DMD: variants seen among roughly 807,000 people sequenced by gnomAD.
DMD encodes the protein mutant dystrophin.
A neutral mutation model predicts 330.1 loss-of-function variants in DMD; 63 were observed. The ratio of observed to expected loss-of-function variants is 0.19; its 90% CI spans 0.16 to 0.24. The LOEUF (loss-of-function observed/expected upper bound fraction) is 0.24. DMD is among the 10% of genes least tolerant of loss of function. The pLI is 1.00. For synonymous variants in DMD, 1,223 were observed against 959.8 expected (o/e 1.27, Z -5.07); for missense variants, 3,344 against 2,684.1 (o/e 1.25, Z -5.43).
chrX:33,324,134 T>A (rs781311890), intron 1 of DMD, among the ~76,000 whole-genome samples: 1 of 111,751 alleles, frequency 8.9e-6, no homozygotes, highest in South Asian at 3.7e-4. Flanking sequence ...TGGGTTGCCT[T>A]TTACCAGAAG....
intron 7 of DMD, among the ~76,000 whole-genome samples, chrX:32,797,142 G>A (rs2076240515): frequency 9.0e-6 from 1 of 110,842 alleles, no homozygotes; most frequent in Non-Finnish European, 1.9e-5. Flanking sequence ...GGGATGGGGG[G>A]ACAGGGCCTC....
intron 55 of DMD, among the ~76,000 whole-genome samples, chrX:31,595,535 T>C (rs1216905030): frequency 9.0e-6 from 1 of 111,209 alleles, no homozygotes; most frequent in African/African-American, 3.3e-5. Flanking sequence ...GTACATTCCT[T>C]CCAAAATTTC....
rs775781842 is a variant in DMD, at chrX:32,896,951, A to G, written c.94-47131T>C. ...AACAAATATTCAGGACAAAGTGTTT[A>G]TAGCCCTTTCTTTTGAGGGTTTTCA... On this transcript the variant is annotated intron_variant, in intron 2 of 78. Coordinates refer to ENST00000357033, the MANE Select transcript of DMD (RefSeq NM_004006.3). Among the ~76,000 whole-genome samples the G allele has an allele frequency of 6.2e-5, 7 of 112,526 alleles. No individual in the cohort carries two copies. In the East Asian group the frequency reaches 8.4e-4, roughly 13 times the overall value.
At chrX:31,658,381 A>G (rs1261507144) in intron 53 of DMD, among the ~76,000 whole-genome samples, 1 of 112,168 alleles carries the variant, frequency 8.9e-6, no homozygotes, top group Non-Finnish European at 1.9e-5. Flanking sequence ...AAGTATTTCA[A>G]CTTAGTAGCA....
chrX:33,010,239 CAT>C (rs1302999968), intron 2 of DMD, among the ~76,000 whole-genome samples: 26 of 102,135 alleles, frequency 2.5e-4, no homozygotes, highest in East Asian at 1.3e-3. Flanking sequence ...TATATATGTA[CAT>C]ATGTGTGTAT....
intron 7 of DMD, among the ~76,000 whole-genome samples, chrX:32,795,527 G>A (rs1358507686): frequency 8.9e-6 from 1 of 111,772 alleles, no homozygotes; most frequent in Non-Finnish European, 1.9e-5. Context: ...AGCAAACATA[G>A]GGAAAACAGA....
chrX:31,347,994 C>T (rs754933072), intron 61 of DMD, among the ~76,000 whole-genome samples: 6 of 111,587 alleles, frequency 5.4e-5, no homozygotes, highest in Non-Finnish European at 1.1e-4. Context: ...TTTTCATATA[C>T]CTGTTGGCCA....
At chrX:32,416,347 A>G (rs1019101910) in intron 29 of DMD, among the ~76,000 whole-genome samples, 2 of 112,077 alleles carry the variant, frequency 1.8e-5, no homozygotes, top group Non-Finnish European at 3.8e-5. Context: ...CACTGTTTAC[A>G]ATCATCTCGT....
intron 44 of DMD, among the ~76,000 whole-genome samples, chrX:32,114,995 T>C (rs2096604350): frequency 8.9e-6 from 1 of 112,377 alleles, no homozygotes; most frequent in Non-Finnish European, 1.9e-5. Flanking sequence ...GTTTGTCTAA[T>C]TGTATTTTCA....
intron 44 of DMD, among the ~76,000 whole-genome samples, chrX:31,977,928 C>T (rs1347615289): frequency 2.7e-5 from 3 of 110,855 alleles, no homozygotes. Context: ...ATGACATAAG[C>T]AAGTCATCTG....
intron 43 of DMD, among the ~76,000 whole-genome samples, chrX:32,231,226 G>A: frequency 8.9e-6 from 1 of 112,461 alleles, no homozygotes; most frequent in South Asian, 3.6e-4. Context: ...TTCTGCTAAA[G>A]GAAAATGAGA....
chrX:32,921,740 T>C (rs1490461151), intron 2 of DMD, among the ~76,000 whole-genome samples: 1 of 111,672 alleles, frequency 9.0e-6, no homozygotes, highest in African/African-American at 3.3e-5. Flanking sequence ...ACTAGGTAAT[T>C]GGAGCTTTAA....
intron 52 of DMD, among the ~76,000 whole-genome samples, chrX:31,685,105 T>C (rs528557132): frequency 1.3e-4 from 15 of 111,646 alleles, no homozygotes; most frequent in African/African-American, 4.5e-4. Context: ...TTGGAGGAGT[T>C]CCTACATAAA....
At chrX:32,841,315 C>A (rs748986508) in intron 4 of DMD, among the ~76,000 whole-genome samples, 2 of 111,324 alleles carry the variant, frequency 1.8e-5, no homozygotes, top group African/African-American at 3.3e-5. Context: ...ATAGATTTAA[C>A]TCAATGTTAA....
chrX:31,458,526 A>C, intron 59 of DMD, among the ~76,000 whole-genome samples: 1 of 108,785 alleles, frequency 9.2e-6, no homozygotes, highest in Middle Eastern at 4.7e-3. Context: ...AAAAAAAAAA[A>C]AAAAAAAAAT....
At chrX:32,159,724 C>T (rs1276752989) in intron 44 of DMD, among the ~76,000 whole-genome samples, 8 of 111,576 alleles carry the variant, frequency 7.2e-5, no homozygotes, top group African/African-American at 1.3e-4. Context: ...AAACATGAAC[C>T]GGAGCAAAAG....
chrX:33,321,086 G>T (rs1191574035), intron 1 of DMD, among the ~76,000 whole-genome samples: 3 of 111,139 alleles, frequency 2.7e-5, no homozygotes, highest in Non-Finnish European at 5.7e-5. Flanking sequence ...ATCCATGAGG[G>T]TTGAAATCAG....
chrX:33,203,760 A>T (rs184463654), intron 1 of DMD, among the ~76,000 whole-genome samples: 1 of 109,687 alleles, frequency 9.1e-6, no homozygotes, highest in African/African-American at 3.3e-5. Flanking sequence ...CCACTCCATG[A>T]GTTGCATATT....
intron 6 of DMD, among the ~76,000 whole-genome samples, chrX:32,809,919 C>CAAAAAAAA (rs55898363): frequency 2.8e-3 from 81 of 28,624 alleles, no homozygotes; most frequent in Non-Finnish European, 3.4e-3. Context: ...TTGTTTCTAC[C>CAAAAAAAA]AAAAAAAAAA....
Sources: gnomAD v4.1 joint callset for allele counts (sites outside exome capture counted in the v4.1 genomes callset) on GRCh38, gnomAD v4.1.1 for gene constraint, MANE v1.5 for transcripts, NCBI Gene and HGNC (gene_info 2026-07-23, HGNC 2026-07-21) for gene names.